Variants in FSTL5 observed in about 807,000 individuals in gnomAD.
FSTL5 encodes follistatin-related protein 5.
Under a neutral mutation model 89.1 loss-of-function variants are expected in FSTL5, and 62 were observed. That is an observed-to-expected ratio of 0.70 (90% confidence interval 0.57 to 0.86). The LOEUF (loss-of-function observed/expected upper bound fraction) is 0.86. Among genes scored for constraint, FSTL5 ranks in the 40% least tolerant of loss-of-function variants. The pLI, the probability that FSTL5 is intolerant of heterozygous loss-of-function variation, is 0.00. For missense variants in FSTL5, 1,057 were observed against 1,001.6 expected (o/e 1.06, Z -0.75); for synonymous variants, 383 against 346.2 (o/e 1.11, Z -1.18).
At chr4:161,446,302 C>A (rs1732943807) in intron 15 of FSTL5, among the ~76,000 whole-genome samples, 1 of 152,012 alleles carries the variant, frequency 6.6e-6, no homozygotes, top group African/African-American at 2.4e-5. Flanking sequence ...GCCACATTCA[C>A]AGAAAATTTC....
chr4:162,147,421 A>G (rs891704094), intron 1 of FSTL5, among the ~76,000 whole-genome samples: 2 of 152,224 alleles, frequency 1.3e-5, no homozygotes, highest in Non-Finnish European at 2.9e-5. Flanking sequence ...CACAACAGGC[A>G]AAAGGTAGAT....
intron 2 of FSTL5, among the ~76,000 whole-genome samples, chr4:162,035,811 A>G (rs745342438): frequency 2.6e-4 from 40 of 152,122 alleles, no homozygotes; most frequent in Non-Finnish European, 4.4e-4. Flanking sequence ...AAAACATAGA[A>G]CAATGTGGTA....
intron 4 of FSTL5, among the ~76,000 whole-genome samples, chr4:161,901,907 C>T (rs968598327): frequency 6.6e-6 from 1 of 151,968 alleles, no homozygotes; most frequent in African/African-American, 2.4e-5. Context: ...GGCACTCCAG[C>T]CTGGGTGACA....
intron 8 of FSTL5, among the ~76,000 whole-genome samples, chr4:161,584,943 G>A (rs1457774708): frequency 6.6e-6 from 1 of 152,178 alleles, no homozygotes. Context: ...AAAAGGAAAA[G>A]CATTAGAGTT....
chr4:161,918,570 A>G, intron 4 of FSTL5, among the ~76,000 whole-genome samples: 1 of 152,172 alleles, frequency 6.6e-6, no homozygotes, highest in East Asian at 1.9e-4. Flanking sequence ...ATTGAATGGT[A>G]TTATTCCTAA....
intron 1 of FSTL5, among the ~76,000 whole-genome samples, chr4:162,144,472 G>A (rs1732891648): frequency 6.6e-6 from 1 of 152,102 alleles, no homozygotes; most frequent in Admixed American, 6.6e-5. Context: ...AATCAGACAT[G>A]TTAGAGTATG....
chr4:161,420,358 T>C (rs896689620), intron 15 of FSTL5, among the ~76,000 whole-genome samples: 11 of 152,168 alleles, frequency 7.2e-5, no homozygotes, highest in Non-Finnish European at 2.9e-5. Context: ...TCCTCCTTAG[T>C]TTGTTAAGAA....
rs141808519 is a variant in FSTL5 at position 161,709,589 on chromosome 4, G to A, written c.727+49822C>T. Among the ~76,000 whole-genome samples the A allele has an allele frequency of 2.4e-3, 360 of 152,162 alleles. 2 individuals carry two copies. The highest frequency in any genetic ancestry group is 8.4e-3 in the African/African-American group (350 of 41,510). On this transcript the variant is annotated intron_variant, in intron 6 of 15. Transcript: ENST00000306100. ...GCCGAGGCAGGATGATTGCTTAAAT[G>A]CAGGAGTTCAAGGCTACCTTGGGCA...
intron 4 of FSTL5, among the ~76,000 whole-genome samples, chr4:161,813,407 A>C (rs891673039): frequency 3.3e-5 from 5 of 152,148 alleles, no homozygotes; most frequent in African/African-American, 9.7e-5. Flanking sequence ...AATTTAAAAA[A>C]GTAACAATAA....
At chr4:161,894,433 G>A (rs1322156947) in intron 4 of FSTL5, among the ~76,000 whole-genome samples, 1 of 151,958 alleles carries the variant, frequency 6.6e-6, no homozygotes, top group East Asian at 1.9e-4. Flanking sequence ...CATTTCTATG[G>A]GTTGACCTGT....
chr4:162,100,149 C>T (rs1423585518), intron 2 of FSTL5, among the ~76,000 whole-genome samples: 1 of 152,048 alleles, frequency 6.6e-6, no homozygotes, highest in Non-Finnish European at 1.5e-5. Context: ...TCATAATTGC[C>T]AAAATTTGGA....
chr4:161,987,521 C>A (rs1735999459), intron 3 of FSTL5, among the ~76,000 whole-genome samples: 2 of 144,316 alleles, frequency 1.4e-5, no homozygotes, highest in South Asian at 2.2e-4. Context: ...AAAACAAATG[C>A]TACTTTATTG....
chr4:161,499,944 A>G (rs771317900), intron 12 of FSTL5, 72 bp downstream of exon 12: 3 of 853,248 alleles, frequency 3.5e-6, no homozygotes, highest in Non-Finnish European at 6.0e-6. Context: ...AGGTTTTGTT[A>G]TATTTCCAAA....
At chr4:161,879,100 T>C (rs1732542939) in intron 4 of FSTL5, among the ~76,000 whole-genome samples, 1 of 152,174 alleles carries the variant, frequency 6.6e-6, no homozygotes, top group Non-Finnish European at 1.5e-5. Flanking sequence ...TTTTCTTACT[T>C]AGGTGAATAG....
At chr4:161,990,908 A>C (rs1483654878) in intron 3 of FSTL5, among the ~76,000 whole-genome samples, 1 of 152,182 alleles carries the variant, frequency 6.6e-6, no homozygotes, top group Non-Finnish European at 1.5e-5. Context: ...TTGGGTGTGC[A>C]TGTCCAAACT....
intron 3 of FSTL5, among the ~76,000 whole-genome samples, chr4:161,994,452 C>A (rs1457436179): frequency 6.6e-6 from 1 of 152,132 alleles, no homozygotes. Flanking sequence ...CTTGAGAAAT[C>A]GCCATACTGC....
intron 4 of FSTL5, among the ~76,000 whole-genome samples, chr4:161,783,210 C>CATT (rs1170315425): frequency 1.3e-5 from 2 of 152,098 alleles, no homozygotes; most frequent in African/African-American, 4.8e-5. Flanking sequence ...TCATCAAATG[C>CATT]ATTATTTTAA....
intron 15 of FSTL5, among the ~76,000 whole-genome samples, chr4:161,402,369 A>G (rs1292304328): frequency 6.6e-6 from 1 of 152,226 alleles, no homozygotes; most frequent in Non-Finnish European, 1.5e-5. Context: ...TGAAGGATCT[A>G]CATAGCTGAG....
intron 6 of FSTL5, among the ~76,000 whole-genome samples, chr4:161,745,426 A>T (rs1462638867): frequency 1.3e-5 from 2 of 152,070 alleles, no homozygotes; most frequent in African/African-American, 4.8e-5. Flanking sequence ...ATCTTTTTCT[A>T]ACATCATATT....
Sources: gnomAD v4.1 joint callset for allele counts (sites outside exome capture counted in the v4.1 genomes callset) on GRCh38, gnomAD v4.1.1 for gene constraint, MANE v1.5 for transcripts, NCBI Gene and HGNC (gene_info 2026-07-23, HGNC 2026-07-21) for gene names.